MSI1: variants seen among roughly 807,000 people sequenced by gnomAD.
MSI1 encodes the protein RNA-binding protein Musashi homolog 1.
MSI1 carries 15 observed loss-of-function variants against 54.4 expected under a neutral mutation model. That is an observed-to-expected ratio of 0.28 (90% CI 0.18 to 0.42). MSI1 has a LOEUF of 0.42. Ranked by LOEUF, MSI1 falls within the 20% of genes least tolerant of loss-of-function variation. The probability of loss-of-function intolerance (pLI) is 1.00; values close to 1 mark genes in which losing one functional copy is unlikely to be tolerated. For synonymous variants in MSI1, 200 were observed against 196.5 expected, an observed-to-expected ratio of 1.02 and a Z score of -0.15; for missense variants, 304 against 506.0, an observed-to-expected ratio of 0.60 and a Z score of 3.83.
In MSI1 at chr12:120,356,922, A is replaced by T. The variant is rs1341218736; in HGVS notation, c.632T>A (p.Met211Lys). The T allele has an allele frequency of 5.0e-6, 8 of 1,614,026 alleles. No homozygotes were observed. The highest frequency in any genetic ancestry group is 1.3e-5 in the African/African-American group (1 of 74,956). ...RVMPYGMDAFMLGIGMLGYPG... is the reference protein window; with the variant it reads ...RVMPYGMDAFKLGIGMLGYPG... Reference sequence around the variant, plus strand: ...CATACCCAGCATGCCGATGCCCAGCATGAAGGCGTCCATTCCGTAGGGCAT... The same window carrying T: ...CATACCCAGCATGCCGATGCCCAGCTTGAAGGCGTCCATTCCGTAGGGCAT... The change falls in exon 9 of 15, where the codon ATG becomes AAG. Residue 211 changes from methionine to lysine, a missense_variant. Physicochemically the swap from Met to Lys is moderately conservative, Grantham distance 95. Around this residue, in one of 4 missense-constraint regions of MSI1, gnomAD observed 147 missense variants for 231.5 expected, o/e 0.64. Transcript: ENST00000257552.
In MSI1 at chr12:120,368,917, G is replaced by C; in HGVS notation, c.60-44C>G. 1.5e-6 allele frequency: 2 copies of C among 1,350,188 alleles called. No homozygotes were observed. The highest frequency in any genetic ancestry group is 1.9e-6 in the Non-Finnish European group (2 of 1,032,308). The allele number at this position is 1,350,188 out of a possible 1,614,324, so 83.6% of individuals were successfully genotyped here. ...CACAAAGGGCCCGCGTGAGCGCCGG[G>C]CGCCAGGGCGCAGGGGGCGCGGGCC... is the stretch of plus-strand genomic sequence containing the variant. On this transcript the variant is annotated intron_variant, in intron 1 of 14. Transcript: ENST00000257552. This position sits in a 1 kb window ranked among gnomAD's most constrained non-coding sequence, Gnocchi z 6.6.
chr12:120,349,223 G>A (rs1443932148), intron 11 of MSI1, among the ~76,000 whole-genome samples: 1 of 151,420 alleles, frequency 6.6e-6, no homozygotes. Flanking sequence ...AGCCTCCTAA[G>A]TAGCTGGGAC....
intron 4 of MSI1, among the ~76,000 whole-genome samples, chr12:120,365,171 A>G (rs1280405737): frequency 6.6e-6 from 1 of 152,064 alleles, no homozygotes; most frequent in Non-Finnish European, 1.5e-5. Flanking sequence ...TCAGCCTTCC[A>G]AAGTCCCGGG....
At chr12:120,366,301 C>T (rs2136990310) in intron 4 of MSI1, among the ~76,000 whole-genome samples, 1 of 152,322 alleles carries the variant, frequency 6.6e-6, no homozygotes, top group South Asian at 2.1e-4. Context: ...CCTACAGGCT[C>T]CCCCACTGGA....
intron 14 of MSI1, among the ~76,000 whole-genome samples, chr12:120,344,648 C>T (rs527247810): frequency 5.1e-4 from 78 of 152,094 alleles, no homozygotes; most frequent in Admixed American, 4.6e-3. Flanking sequence ...TTCCAGGCTG[C>T]AGCGAGCTGT....
chr12:120,363,445 C>G (rs942139706), intron 5 of MSI1, among the ~76,000 whole-genome samples: 3 of 152,254 alleles, frequency 2.0e-5, no homozygotes, highest in East Asian at 3.9e-4. Flanking sequence ...CCCAGACCCA[C>G]AGCCTAACAC....
chr12:120,352,802 A>T (rs980301581), intron 10 of MSI1, among the ~76,000 whole-genome samples: 1 of 152,198 alleles, frequency 6.6e-6, no homozygotes, highest in Non-Finnish European at 1.5e-5. Flanking sequence ...GTCTAGTGTT[A>T]TCTTTATGTT....
chr12:120,349,213 A>G (rs994776348), intron 11 of MSI1, among the ~76,000 whole-genome samples: 3 of 150,896 alleles, frequency 2.0e-5, no homozygotes, highest in African/African-American at 7.3e-5. Flanking sequence ...CTCCTGGCTC[A>G]GCCTCCTAAG....
intron 12 of MSI1, among the ~76,000 whole-genome samples, chr12:120,346,946 C>CT (rs879419371): frequency 0.026 from 3,757 of 146,882 alleles, 151 homozygotes; most frequent in African/African-American, 0.086. Flanking sequence ...CCCTGTCAGT[C>CT]TTTTTTTTTT....
At chr12:120,356,878 C>A in intron 9 of MSI1, 24 bp downstream of exon 9, 1 of 1,605,386 alleles carries the variant, frequency 6.2e-7, no homozygotes, top group Non-Finnish European at 8.5e-7. Flanking sequence ...CAGAAAGAAG[C>A]CGCAGGCGCA....
chr12:120,364,699 C>T lies in MSI1; in HGVS notation c.309+15G>A, dbSNP rs762566098. On this transcript the variant is annotated intron_variant, in intron 5 of 14. Transcript: ENST00000257552. ...CCATAGTAAGAGAGCTCCTCCCAGA[C>T]ATAGACACACCTACCTTGGGCTGTG... 14 of 1,586,986 alleles carry T rather than the reference C, an allele frequency of 8.8e-6. No individual in the cohort carries two copies. The highest frequency in any genetic ancestry group is 4.1e-5 in the African/African-American group (3 of 73,678).
chr12:120,356,906 C>A lies in MSI1; in HGVS notation c.648G>T (p.Met216Ile). The change falls in exon 9 of 15, where the codon ATG (methionine) becomes ATT (isoleucine). Residue 216 changes from methionine to isoleucine, a missense_variant. By Grantham distance (10) the Met-to-Ile change is conservative (BLOSUM62 1). This residue lies in a region of MSI1 where 147 missense variants were observed against 231.5 expected (regional missense o/e 0.64). Coordinates refer to ENST00000257552, the MANE Select transcript of MSI1 (RefSeq NM_002442.4). ...GMDAFMLGIGMLGYPGFQATT... is the reference protein window; with the variant it reads ...GMDAFMLGIGILGYPGFQATT... The stretch of plus-strand genomic sequence containing the variant: ...CAGGCGCAGGCTCGCGCATACCCAG[C>A]ATGCCGATGCCCAGCATGAAGGCGT... The A allele has an allele frequency of 6.2e-7, 1 of 1,613,760 alleles. No individual in the cohort carries two copies. Among genetic ancestry groups the A allele is most frequent in the East Asian group, 2.2e-5 (1 of 44,892 alleles).
At chr12:120,345,997 C>T in intron 13 of MSI1, 138 bp downstream of exon 13, 2 of 810,060 alleles carry the variant, frequency 2.5e-6, no homozygotes, top group South Asian at 4.0e-5. Context: ...CACAACTCTT[C>T]CTTAGTGATC....
intron 9 of MSI1, 138 bp from the exon 10 acceptor site, chr12:120,353,517 T>C: frequency 1.3e-6 from 1 of 758,502 alleles, no homozygotes; most frequent in Middle Eastern, 3.0e-4. Flanking sequence ...ACCTTCTTCA[T>C]ACCAAGCCCT....
At chr12:120,355,053 AAAAG>A (rs1186214219) in intron 9 of MSI1, among the ~76,000 whole-genome samples, 1 of 151,118 alleles carries the variant, frequency 6.6e-6, no homozygotes, top group African/African-American at 2.4e-5. Flanking sequence ...AAAAAAAAAA[AAAAG>A]AGCATTATTG....
At chr12:120,365,358 C>A (rs1413797063) in intron 4 of MSI1, among the ~76,000 whole-genome samples, 2 of 152,184 alleles carry the variant, frequency 1.3e-5, no homozygotes, top group Admixed American at 6.5e-5. Flanking sequence ...ATAACACCCA[C>A]CTCAAAGGGT....
chr12:120,368,845 G>A lies in MSI1; in HGVS notation c.88C>T (p.Gln30Ter). ...CKMFIGGLSW[Q>*]TTQEGLREYF... is the part of the protein sequence containing the mutation. ...CGGGCTCGCTCACCCTGCGTAGTCT[G>A]CCAACTGAGTCCCCCGATGAACATC... The change falls in exon 2 of 15, where the codon CAG becomes TAG. Residue 30 changes from glutamine to a stop codon, truncating the protein, a stop_gained. Transcript: ENST00000257552. LOFTEE classifies it high-confidence loss of function. This position sits in a 1 kb window ranked among gnomAD's most constrained non-coding sequence, Gnocchi z 6.6. 3 of 1,465,310 alleles carry A rather than the reference G, an allele frequency of 2.0e-6. No homozygotes were observed. Among genetic ancestry groups the A allele is most frequent in the East Asian group, 3.1e-5 (1 of 32,474 alleles). 90.8% of individuals were successfully genotyped at this position (1,465,310 alleles called of 1,614,324 possible). A position where few individuals can be genotyped will look rare whatever the true frequency, so the allele number is the denominator to read the frequency against.
downstream of MSI1, among the ~76,000 whole-genome samples, chr12:120,341,093 C>A (rs1873652663): frequency 6.6e-6 from 1 of 151,934 alleles, no homozygotes; most frequent in Admixed American, 6.6e-5. Flanking sequence ...GCCATGTTGA[C>A]CAGCCTGGTC....
chr12:120,369,076 G>A lies in MSI1; in HGVS notation c.16C>T (p.Pro6Ser). 1 of 1,021,414 alleles carries A rather than the reference G, an allele frequency of 9.8e-7. No individual in the cohort carries two copies. Among genetic ancestry groups the A allele is most frequent in the Non-Finnish European group, 1.2e-6 (1 of 857,454 alleles). The allele number at this position is 1,021,414 out of a possible 1,614,324, so 63.3% of individuals were successfully genotyped here. A position where few individuals can be genotyped will look rare whatever the true frequency, so the allele number is the denominator to read the frequency against. METDA[P>S]QPGLASPDSP... Reference sequence around the variant, plus strand: ...TCCGGGGAGGCGAGGCCGGGCTGGGGCGCGTCAGTCTCCATCGGGAGCCGC... The same window carrying A: ...TCCGGGGAGGCGAGGCCGGGCTGGGACGCGTCAGTCTCCATCGGGAGCCGC... Residue 6 changes from proline to serine, a missense_variant, in exon 1 of 15, where the codon CCC becomes TCC. Coordinates refer to ENST00000257552, the MANE Select transcript of MSI1 (RefSeq NM_002442.4).
Sources: allele counts gnomAD v4.1 joint callset (sites outside exome capture counted in the v4.1 genomes callset), GRCh38; gene constraint gnomAD v4.1.1; regional missense constraint gnomAD v4.1.1; non-coding constraint Gnocchi (gnomAD v3.1); transcripts MANE v1.5; gene names NCBI Gene and HGNC (gene_info 2026-07-23, HGNC 2026-07-21).